CYTH1: variants seen among roughly 807,000 people sequenced by gnomAD.
CYTH1 encodes cytohesin 1.
CYTH1 carries 18 observed loss-of-function variants against 61.8 expected under a neutral mutation model. The observed-to-expected ratio is 0.29, with a 90% CI of 0.20 to 0.43. CYTH1 has a LOEUF of 0.43. CYTH1 is among the 20% of genes least tolerant of loss of function. The pLI is 1.00. For missense variants in CYTH1, 336 were observed against 510.5 expected, an observed-to-expected ratio of 0.66 and a Z score of 3.29; for synonymous variants, 174 against 184.3, an observed-to-expected ratio of 0.94 and a Z score of 0.45.
intron 1 of CYTH1, among the ~76,000 whole-genome samples, chr17:78,711,238 G>A (rs2093126450): frequency 1.3e-5 from 2 of 148,498 alleles, no homozygotes; most frequent in Non-Finnish European, 1.5e-5. Flanking sequence ...CTCCAGCCTG[G>A]GAGACAGTAC....
At chr17:78,732,179 G>A (rs1423025655) in intron 1 of CYTH1, among the ~76,000 whole-genome samples, 1 of 152,132 alleles carries the variant, frequency 6.6e-6, no homozygotes, top group Non-Finnish European at 1.5e-5. Context: ...CCAGACCTGT[G>A]CCTACCAAGA....
intron 1 of CYTH1, among the ~76,000 whole-genome samples, chr17:78,742,930 A>G (rs1457685396): frequency 6.6e-6 from 1 of 152,244 alleles, no homozygotes; most frequent in Non-Finnish European, 1.5e-5. Context: ...GTGGATTATC[A>G]TTTAAAACAC....
intron 1 of CYTH1, among the ~76,000 whole-genome samples, chr17:78,749,705 CT>C (rs2093372442): frequency 6.6e-6 from 1 of 151,734 alleles, no homozygotes; most frequent in South Asian, 2.1e-4. Context: ...TGTTTAAAAT[CT>C]AATTATCTTG....
chr17:78,684,206 T>C (rs1268460131), intron 11 of CYTH1, among the ~76,000 whole-genome samples: 1 of 152,190 alleles, frequency 6.6e-6, no homozygotes, highest in Non-Finnish European at 1.5e-5. Context: ...CCCTCCTCGC[T>C]CTTCTCAGCA....
At chr17:78,677,093 A>C (rs1008097687) in intron 13 of CYTH1, 1 of 456,004 alleles carries the variant, frequency 2.2e-6, no homozygotes, top group Admixed American at 2.3e-5. Flanking sequence ...ATGCTTCCGC[A>C]GCTCCCCGGG....
At chr17:78,748,851 C>A (rs760391263) in intron 1 of CYTH1, among the ~76,000 whole-genome samples, 2 of 152,152 alleles carry the variant, frequency 1.3e-5, no homozygotes, top group African/African-American at 2.4e-5. Context: ...TATATCACCC[C>A]TTCCTTGCAA....
At chr17:78,748,271 C>T (rs751651731) in intron 1 of CYTH1, among the ~76,000 whole-genome samples, 1 of 152,174 alleles carries the variant, frequency 6.6e-6, no homozygotes, top group Non-Finnish European at 1.5e-5. Context: ...ACCAGCTTGG[C>T]GTGGTTTTAC....
intron 1 of CYTH1, among the ~76,000 whole-genome samples, chr17:78,737,861 T>G (rs979516111): frequency 8.3e-5 from 11 of 131,990 alleles, no homozygotes; most frequent in African/African-American, 3.6e-4. Flanking sequence ...ATATTCTCTC[T>G]CTCTTCTATA....
At chr17:78,711,638 G>A (rs184382041) in intron 1 of CYTH1, among the ~76,000 whole-genome samples, 2 of 150,940 alleles carry the variant, frequency 1.3e-5, no homozygotes, top group Non-Finnish European at 2.9e-5. Flanking sequence ...TCACAAGAGG[G>A]TAGAAACAAT....
chr17:78,779,840 G>C (rs1233699088), intron 1 of CYTH1, among the ~76,000 whole-genome samples: 3 of 152,226 alleles, frequency 2.0e-5, no homozygotes, highest in Non-Finnish European at 2.9e-5. Flanking sequence ...TTGGACTTCT[G>C]ACAGCAGAAC....
Position 78,778,905 on chromosome 17 carries a change from TG to T in CYTH1, c.22+3296del, listed in dbSNP as rs1373959386. Among the ~76,000 whole-genome samples, 16 of 152,332 alleles carry T rather than the reference TG, an allele frequency of 1.1e-4. No individual in the cohort carries two copies. In the South Asian group the frequency reaches 3.1e-3, roughly 30 times the overall value. On this transcript the variant is annotated intron_variant, in intron 1 of 13. Coordinates refer to ENST00000446868, the MANE Select transcript of CYTH1 (RefSeq NM_004762.6). ...ACATTTCCTTTTACAATGTGGGATC[TG>T]GTCAAGGTAAATTCTCTGTGAAACC... is the stretch of plus-strand genomic sequence containing the variant.
chr17:78,750,452 A>C (rs1044323112), intron 1 of CYTH1, among the ~76,000 whole-genome samples: 2 of 152,184 alleles, frequency 1.3e-5, no homozygotes, highest in Admixed American at 6.5e-5. Context: ...CCTGAAGTTT[A>C]GGGGTAGGAA....
intron 3 of CYTH1, among the ~76,000 whole-genome samples, chr17:78,704,730 C>T: frequency 6.6e-6 from 1 of 152,186 alleles, no homozygotes; most frequent in East Asian, 1.9e-4. Context: ...CTATGTAACC[C>T]AGGCTGGTCT....
chr17:78,675,871 T>C lies in CYTH1; in HGVS notation c.*220A>G. The C allele has an allele frequency of 6.8e-7, 1 of 1,472,794 alleles. No homozygotes were observed. Among genetic ancestry groups the C allele is most frequent in the Non-Finnish European group, 9.0e-7 (1 of 1,111,482 alleles). 91.2% of individuals were successfully genotyped at this position (1,472,794 alleles called of 1,614,324 possible). On this transcript the variant is annotated 3_prime_UTR_variant, in exon 14 of 14. Transcript: ENST00000446868. ...TCTGCCCTGTGAGAGAGGAAGGCTC[T>C]GGAGCCCATGCTGGACAGGTGGCCG...
Position 78,675,760 on chromosome 17 carries a change from C to G in CYTH1, c.*331G>C. ...TTTGAAGGCTTCTTCACGGGGACAACCAAGAGGTAAACAGTTGGCTCTGAG... is the reference window on the plus strand; with the variant it reads ...TTTGAAGGCTTCTTCACGGGGACAAGCAAGAGGTAAACAGTTGGCTCTGAG... On this transcript the variant is annotated 3_prime_UTR_variant, in exon 14 of 14. Transcript: ENST00000446868. 1 of 869,692 alleles carries G rather than the reference C, an allele frequency of 1.1e-6. No individual in the cohort carries two copies. Among genetic ancestry groups the G allele is most frequent in the Non-Finnish European group, 1.7e-6 (1 of 598,128 alleles). The allele number at this position is 869,692 out of a possible 1,614,324, so 53.9% of individuals were successfully genotyped here. A position where few individuals can be genotyped will look rare whatever the true frequency, so the allele number is the denominator to read the frequency against.
At chr17:78,747,170 A>AAAAAAAAAAAC (rs1567872924) in intron 1 of CYTH1, among the ~76,000 whole-genome samples, 4 of 148,904 alleles carry the variant, frequency 2.7e-5, no homozygotes, top group African/African-American at 7.5e-5. Flanking sequence ...AAAAAAAAAA[A>AAAAAAAAAAAC]GAAAAAACTA....
rs2092977239 is a variant in CYTH1 at position 78,698,963 on chromosome 17, A to C, written c.556T>G (p.Cys186Gly). The change falls in exon 8 of 14, where the codon TGT becomes GGT. Residue 186 changes from cysteine (C) to glycine (G), a missense_variant. Physicochemically the swap from Cys to Gly is radical, Grantham distance 159 (BLOSUM62 -3). Around this residue, in one of 4 missense-constraint regions of CYTH1, gnomAD observed 125 missense variants for 209.9 expected, o/e 0.60. Coordinates refer to ENST00000446868, the MANE Select transcript of CYTH1 (RefSeq NM_004762.6). ...NNGVFQSTDTCYVLSFAIIML... is the reference protein window; with the variant it reads ...NNGVFQSTDTGYVLSFAIIML... The stretch of plus-strand genomic sequence containing the variant: ...ATGATGGCAAAGGAGAGGACGTAAC[A>C]AGTATCTAAAGATGAGAGAAAAGCA... 6.2e-7 allele frequency: 1 copy of C among 1,609,872 alleles called. No homozygotes were observed. Among genetic ancestry groups the C allele is most frequent in the African/African-American group, 1.3e-5 (1 of 74,648 alleles).
At chr17:78,749,041 C>T (rs2093369622) in intron 1 of CYTH1, among the ~76,000 whole-genome samples, 1 of 152,160 alleles carries the variant, frequency 6.6e-6, no homozygotes, top group Non-Finnish European at 1.5e-5. Context: ...TGAGGCAGAG[C>T]AAAGGTGGCA....
intron 1 of CYTH1, among the ~76,000 whole-genome samples, chr17:78,755,066 C>G (rs930060635): frequency 6.6e-6 from 1 of 152,098 alleles, no homozygotes; most frequent in African/African-American, 2.4e-5. Flanking sequence ...ATATGTTCAT[C>G]AACAGGTGAA....
Sources: allele counts gnomAD v4.1 joint callset (sites outside exome capture counted in the v4.1 genomes callset), GRCh38; gene constraint gnomAD v4.1.1; regional missense constraint gnomAD v4.1.1; transcripts MANE v1.5; gene names NCBI Gene and HGNC (gene_info 2026-07-23, HGNC 2026-07-21).